Variants in FAM110B observed in about 807,000 individuals in gnomAD.
FAM110B encodes protein FAM110B.
A neutral mutation model predicts 20.4 loss-of-function variants in FAM110B; 6 were observed. The observed-to-expected ratio is 0.29, with a 90% CI of 0.16 to 0.58. FAM110B has a LOEUF of 0.58. FAM110B is among the 20% of genes least tolerant of loss of function. The probability of loss-of-function intolerance (pLI) is 0.90; values close to 1 mark genes in which losing one functional copy is unlikely to be tolerated. For synonymous variants in FAM110B, 226 were observed against 214.1 expected, an observed-to-expected ratio of 1.06 and a Z score of -0.49; for missense variants, 434 against 498.2, an observed-to-expected ratio of 0.87 and a Z score of 1.23.
intron 3 of FAM110B, among the ~76,000 whole-genome samples, chr8:58,078,417 A>G (rs1806091249): frequency 6.6e-6 from 1 of 152,192 alleles, no homozygotes; most frequent in African/African-American, 2.4e-5. Context: ...TGTAATTACA[A>G]TTTCAGGAAA....
At chr8:58,011,208 G>T (rs541922660) in intron 1 of FAM110B, among the ~76,000 whole-genome samples, 3 of 152,118 alleles carry the variant, frequency 2.0e-5, no homozygotes, top group Non-Finnish European at 4.4e-5. Context: ...AAGAAACAAC[G>T]TTGCCTGTGG....
chr8:58,140,912 AT>A (rs771634716), intron 3 of FAM110B, among the ~76,000 whole-genome samples: 6 of 152,270 alleles, frequency 3.9e-5, no homozygotes, highest in Admixed American at 6.5e-5. Flanking sequence ...TACCAAATGC[AT>A]TTTGAATCTT....
chr8:58,052,598 A>G (rs1352903150), intron 2 of FAM110B, among the ~76,000 whole-genome samples: 1 of 152,098 alleles, frequency 6.6e-6, no homozygotes, highest in Non-Finnish European at 1.5e-5. Flanking sequence ...ATTTGCATTC[A>G]AATGGTAAAA....
At chr8:58,134,771 C>T (rs948076505) in intron 3 of FAM110B, among the ~76,000 whole-genome samples, 5 of 152,202 alleles carry the variant, frequency 3.3e-5, no homozygotes, top group South Asian at 2.1e-4. Flanking sequence ...CAGTCAGCAG[C>T]GTAAAGAAGG....
intron 3 of FAM110B, among the ~76,000 whole-genome samples, chr8:58,092,148 G>C (rs1357025250): frequency 6.6e-6 from 1 of 152,050 alleles, no homozygotes; most frequent in Non-Finnish European, 1.5e-5. Context: ...ACACTCATCT[G>C]GAGGAAAATA....
intron 3 of FAM110B, chr8:58,091,298 C>T (rs890802304): frequency 1.3e-5 from 2 of 152,192 alleles, no homozygotes; most frequent in Non-Finnish European, 2.9e-5. Flanking sequence ...GAGTGCCTAG[C>T]GTCAGGTTAC....
chr8:58,062,646 TA>T (rs1463161713), intron 2 of FAM110B, among the ~76,000 whole-genome samples: 1 of 152,236 alleles, frequency 6.6e-6, no homozygotes, highest in Non-Finnish European at 1.5e-5. Flanking sequence ...TGCTTTGCTT[TA>T]CCTTATTTTA....
intron 3 of FAM110B, among the ~76,000 whole-genome samples, chr8:58,143,991 T>C (rs556163810): frequency 6.6e-6 from 1 of 152,348 alleles, no homozygotes; most frequent in East Asian, 1.9e-4. Flanking sequence ...CCTTCATTCT[T>C]AGATCCTCAG....
chr8:58,046,695 G>A (rs1232188372), intron 2 of FAM110B, among the ~76,000 whole-genome samples: 1 of 152,194 alleles, frequency 6.6e-6, no homozygotes, highest in African/African-American at 2.4e-5. Context: ...AGGCAAAATA[G>A]CATTTCTTAA....
intron 2 of FAM110B, among the ~76,000 whole-genome samples, chr8:58,038,035 T>A (rs145092891): frequency 2.0e-5 from 3 of 152,158 alleles, no homozygotes; most frequent in African/African-American, 7.2e-5. Flanking sequence ...ACCAAATGAA[T>A]TCTAGATTGT....
At chr8:58,021,977 G>A (rs564665978) in intron 1 of FAM110B, among the ~76,000 whole-genome samples, 87 of 152,238 alleles carry the variant, frequency 5.7e-4, no homozygotes, top group African/African-American at 2.1e-3. Flanking sequence ...CACTTGCTGG[G>A]GAGCCAGTGT....
At chr8:58,041,905 A>G (rs1194496552) in intron 2 of FAM110B, among the ~76,000 whole-genome samples, 1 of 152,252 alleles carries the variant, frequency 6.6e-6, no homozygotes, top group East Asian at 1.9e-4. Context: ...CAGTGCTAGG[A>G]ATTGAAATTA....
intron 1 of FAM110B, among the ~76,000 whole-genome samples, chr8:58,004,581 C>G (rs1164251362): frequency 6.6e-6 from 1 of 152,222 alleles, no homozygotes; most frequent in East Asian, 1.9e-4. Context: ...CCTGTCTCTA[C>G]TAAAGATGCA....
chr8:58,038,824 C>T (rs1320557673), intron 2 of FAM110B, among the ~76,000 whole-genome samples: 1 of 152,088 alleles, frequency 6.6e-6, no homozygotes, highest in East Asian at 1.9e-4. Context: ...GCTCTCTCTA[C>T]CCACCCTTCA....
At chr8:58,066,565 G>A (rs1050022983) in intron 2 of FAM110B, among the ~76,000 whole-genome samples, 1 of 152,176 alleles carries the variant, frequency 6.6e-6, no homozygotes, top group Non-Finnish European at 1.5e-5. Context: ...AAAGACTGCT[G>A]TTTGAGTGTC....
rs527780049 is a variant in FAM110B at position 58,087,689 on chromosome 8, GGC to G, written c.-325+12067_-325+12068del. Among the ~76,000 whole-genome samples, 27 of 152,300 alleles carry G rather than the reference GGC, an allele frequency of 1.8e-4. No homozygotes were observed. In the East Asian group the frequency reaches 2.7e-3, roughly 15 times the overall value. ...TTCCCTGGAGTATTAGTGGTTTCAA[GGC>G]TGATGGGGATTGAGATTTGGGTCTC... On this transcript the variant is annotated intron_variant, in intron 3 of 3. Coordinates refer to ENST00000519262, the MANE Select transcript of FAM110B (RefSeq NM_001377989.1).
At chr8:57,996,274 C>T (rs1019379241) in intron 1 of FAM110B, among the ~76,000 whole-genome samples, 5 of 152,184 alleles carry the variant, frequency 3.3e-5, no homozygotes, top group Non-Finnish European at 7.4e-5. Flanking sequence ...GTTAGCCTGA[C>T]ATAAAGTGCT....
intron 2 of FAM110B, among the ~76,000 whole-genome samples, chr8:58,034,028 G>T (rs531966042): frequency 6.6e-6 from 1 of 152,104 alleles, no homozygotes; most frequent in Non-Finnish European, 1.5e-5. Flanking sequence ...CAATTTTGCC[G>T]TAAATTCCAG....
intron 2 of FAM110B, among the ~76,000 whole-genome samples, chr8:58,075,273 T>TGTGTGTGTGTGTGTGTGTGTG (rs58047108): frequency 0.035 from 5,054 of 144,970 alleles, 342 homozygotes; most frequent in African/African-American, 0.13. Context: ...TTTTTTTTTT[T>TGTGTGTGTGTGTGTGTGTGTG]TTTGTGTGTG....
Sources: gnomAD v4.1 joint callset for allele counts (sites outside exome capture counted in the v4.1 genomes callset) on GRCh38, gnomAD v4.1.1 for gene constraint, MANE v1.5 for transcripts, NCBI Gene and HGNC (gene_info 2026-07-23, HGNC 2026-07-21) for gene names.